Variants in CASTOR2 observed in about 807,000 individuals in gnomAD.
CASTOR2 encodes the protein GATS protein like 2.
CASTOR2 carries 8 observed loss-of-function variants against 31.2 expected under a neutral mutation model. That is an observed-to-expected ratio of 0.26 (90% CI 0.15 to 0.46). The LOEUF is 0.46. Ranked by LOEUF, CASTOR2 falls within the 20% of genes least tolerant of loss-of-function variation. The probability of loss-of-function intolerance (pLI) is 0.99; values close to 1 mark genes in which losing one functional copy is unlikely to be tolerated. For synonymous variants in CASTOR2, 162 were observed against 158.7 expected (o/e 1.02, Z -0.16); for missense variants, 216 against 382.1 (o/e 0.57, Z 3.62).
chr7:74,999,579 G>A (rs1488186913), intron 1 of CASTOR2, among the ~76,000 whole-genome samples: 3 of 120,616 alleles, frequency 2.5e-5, no homozygotes, highest in East Asian at 6.0e-4. Context: ...CTGTGGCCCC[G>A]AAACACTTCT....
Position 75,019,063 on chromosome 7 carries a change from A to G in CASTOR2, c.603A>G (p.Thr201=), listed in dbSNP as rs1804932335. The change falls in exon 5 of 9, where the codon ACA becomes ACG. Residue 201 remains threonine, a synonymous_variant. Coordinates refer to ENST00000616305, the MANE Select transcript of CASTOR2 (RefSeq NM_001145064.3). ...LDPDTLPAVA[T]LLMDVMFYSN... is the part of the protein sequence containing the mutation. ...CTGACACGCTGCCTGCTGTTGCCAC[A>G]CTCCTCATGGATGTCATGTTCTACT... The G allele has an allele frequency of 3.2e-6, 5 of 1,551,514 alleles. No individual in the cohort carries two copies. The African/African-American group carries it at 5.5e-5, about 17-fold the overall frequency.
At chr7:74,972,647 C>G (rs1165879703) in intron 1 of CASTOR2, among the ~76,000 whole-genome samples, 1 of 150,278 alleles carries the variant, frequency 6.7e-6, no homozygotes, top group Non-Finnish European at 1.5e-5. Flanking sequence ...TGCAAACGAG[C>G]CATGGTGAAC....
chr7:75,024,849 T>A lies in CASTOR2; in HGVS notation c.*150T>A. 1 of 1,541,042 alleles carries A rather than the reference T, an allele frequency of 6.5e-7. No individual in the cohort carries two copies. The highest frequency in any genetic ancestry group is 8.8e-7 in the Non-Finnish European group (1 of 1,141,418). On this transcript the variant is annotated 3_prime_UTR_variant, in exon 9 of 9. Transcript: ENST00000616305. ...GGAGACTCCCTCGATTGCCAATCCC[T>A]CCAGGGCAGGGGCCCACGCCAAGGC...
intron 2 of CASTOR2, among the ~76,000 whole-genome samples, chr7:75,015,417 G>A (rs1170628428): frequency 6.6e-6 from 1 of 152,146 alleles, no homozygotes; most frequent in Non-Finnish European, 1.5e-5. Context: ...CCACAGGCAT[G>A]TGCCACCATG....
At chr7:75,016,366 C>T (rs1368380347) in intron 2 of CASTOR2, among the ~76,000 whole-genome samples, 2 of 152,192 alleles carry the variant, frequency 1.3e-5, no homozygotes, top group African/African-American at 4.8e-5. Flanking sequence ...TTAGCAGTTG[C>T]TGCTGCTGTG....
chr7:75,004,603 C>T (rs1244264806), intron 1 of CASTOR2, among the ~76,000 whole-genome samples: 5 of 152,226 alleles, frequency 3.3e-5, no homozygotes, highest in South Asian at 4.1e-4. Flanking sequence ...CCCACCACCA[C>T]GCCGGGCTAA....
chr7:75,016,392 C>G (rs1370652711), intron 2 of CASTOR2, among the ~76,000 whole-genome samples: 1 of 152,176 alleles, frequency 6.6e-6, no homozygotes, highest in Non-Finnish European at 1.5e-5. Flanking sequence ...CCCACCCTGC[C>G]AAAGCCAATG....
intron 6 of CASTOR2, among the ~76,000 whole-genome samples, chr7:75,021,333 A>AC (rs1334641972): frequency 1.3e-5 from 2 of 151,936 alleles, no homozygotes; most frequent in Non-Finnish European, 2.9e-5. Flanking sequence ...CGCCATGCTG[A>AC]CCAGGCTGGT....
chr7:75,030,393 C>T lies in CASTOR2; in HGVS notation c.*5694C>T, dbSNP rs953634622. Among the ~76,000 whole-genome samples the T allele has an allele frequency of 3.9e-5, 6 of 152,196 alleles. No individual in the cohort carries two copies. Among genetic ancestry groups the T allele is most frequent in the Admixed American group, 3.3e-4 (5 of 15,284 alleles). ...TGATTAGGTGAGTGAGGGCAGGACT[C>T]GAATGCAGACCCTGGCTCCAGGGGA... is the stretch of plus-strand genomic sequence containing the variant. On this transcript the variant is annotated 3_prime_UTR_variant, in exon 9 of 9. Transcript: ENST00000616305.
rs1206664344 is a variant in CASTOR2 at position 75,028,500 on chromosome 7, G to A, written c.*3801G>A. Among the ~76,000 whole-genome samples, 1 of 151,954 alleles carries A rather than the reference G, an allele frequency of 6.6e-6. No homozygotes were observed. Among genetic ancestry groups the A allele is most frequent in the Non-Finnish European group, 1.5e-5 (1 of 67,988 alleles). ...GGAGTGTGTGTCTTGGCCCCTGTGT[G>A]GTTCTCCATTAAGAAAAGCTCAGAT... On this transcript the variant is annotated 3_prime_UTR_variant, in exon 9 of 9. Transcript: ENST00000616305.
chr7:75,031,517 GA>G lies in CASTOR2; in HGVS notation c.*6829del, dbSNP rs34294455. Among the ~76,000 whole-genome samples the G allele has an allele frequency of 0.14, 20,178 of 146,440 alleles. 1,417 individuals carry two copies. The highest frequency in any genetic ancestry group is 0.17 in the South Asian group (774 of 4,584). On this transcript the variant is annotated 3_prime_UTR_variant, in exon 9 of 9. Coordinates refer to ENST00000616305, the MANE Select transcript of CASTOR2 (RefSeq NM_001145064.3). The stretch of plus-strand genomic sequence containing the variant: ...TACTTTGTAAAGTGTTAATTAAAAT[GA>G]AAAAAAAAAACGATGCTGGCTGGTG...
At chr7:74,997,212 C>G (rs1804373362) in intron 1 of CASTOR2, among the ~76,000 whole-genome samples, 1 of 151,898 alleles carries the variant, frequency 6.6e-6, no homozygotes, top group African/African-American at 2.4e-5. Flanking sequence ...TGTTACCAGG[C>G]CCTGCTAATA....
At chr7:74,986,232 A>G (rs1356115168) in intron 1 of CASTOR2, among the ~76,000 whole-genome samples, 2 of 137,414 alleles carry the variant, frequency 1.5e-5, no homozygotes, top group Non-Finnish European at 3.2e-5. Context: ...ACCCAGCTGG[A>G]TACTGTCTTT....
chr7:75,001,836 C>A (rs1199194944), intron 1 of CASTOR2, among the ~76,000 whole-genome samples: 1 of 152,098 alleles, frequency 6.6e-6, no homozygotes, highest in East Asian at 1.9e-4. Flanking sequence ...GGGAAGCACT[C>A]GGCACTGTCA....
chr7:75,007,804 G>GC lies in CASTOR2; in HGVS notation c.114-188dup, dbSNP rs1317413133. ...TAGTGGGGACAATCAGCATCTCTGTGCCTCTCCTGAGTGAGAACTGAGTAG... is the reference window on the plus strand; with the variant it reads ...TAGTGGGGACAATCAGCATCTCTGTGCCCTCTCCTGAGTGAGAACTGAGTAG... On this transcript the variant is annotated intron_variant, in intron 1 of 8. Coordinates refer to ENST00000616305, the MANE Select transcript of CASTOR2 (RefSeq NM_001145064.3). 21 of 720,074 alleles carry GC rather than the reference G, an allele frequency of 2.9e-5. 1 individual carries two copies. The highest frequency in any genetic ancestry group is 2.9e-4 in the Middle Eastern group (1 of 3,434). The allele number at this position is 720,074 out of a possible 1,614,324, so 44.6% of individuals were successfully genotyped here. A position where few individuals can be genotyped will look rare whatever the true frequency, so the allele number is the denominator to read the frequency against.
intron 2 of CASTOR2, among the ~76,000 whole-genome samples, chr7:75,013,686 T>C (rs1171235807): frequency 6.6e-6 from 1 of 152,110 alleles, no homozygotes; most frequent in African/African-American, 2.4e-5. Flanking sequence ...GGATGCAGTA[T>C]GTCTGTGTGG....
rs1417674889 is a variant in CASTOR2, at chr7:75,031,191, G to A, written c.*6492G>A. Among the ~76,000 whole-genome samples the A allele has an allele frequency of 6.6e-6, 1 of 152,148 alleles. No individual in the cohort carries two copies. Among genetic ancestry groups the A allele is most frequent in the Non-Finnish European group, 1.5e-5 (1 of 68,010 alleles). Reference sequence around the variant, plus strand: ...CTGAGATGGGGGTGAGTGGATGGATGGTGTACTGAGGGGCCTCTGCCCTGC... The same window carrying A: ...CTGAGATGGGGGTGAGTGGATGGATAGTGTACTGAGGGGCCTCTGCCCTGC... On this transcript the variant is annotated 3_prime_UTR_variant, in exon 9 of 9. Coordinates refer to ENST00000616305, the MANE Select transcript of CASTOR2 (RefSeq NM_001145064.3).
At chr7:74,970,949 AAAG>A (rs1475648474) in intron 1 of CASTOR2, among the ~76,000 whole-genome samples, 5 of 149,650 alleles carry the variant, frequency 3.3e-5, no homozygotes, top group South Asian at 2.1e-4. Context: ...AATAATAAAA[AAAG>A]AAGAAGAAAT....
intron 1 of CASTOR2, among the ~76,000 whole-genome samples, chr7:74,998,125 G>A (rs1396191749): frequency 1.3e-5 from 2 of 152,062 alleles, no homozygotes; most frequent in Admixed American, 6.6e-5. Flanking sequence ...GTTCAGCCCC[G>A]GCTCGGCAGA....
Sources: gnomAD v4.1 joint callset for allele counts (sites outside exome capture counted in the v4.1 genomes callset) on GRCh38, gnomAD v4.1.1 for gene constraint, MANE v1.5 for transcripts, NCBI Gene and HGNC (gene_info 2026-07-23, HGNC 2026-07-21) for gene names.